Variants in STPG2 observed in about 807,000 individuals in gnomAD.
The protein encoded by STPG2 is sperm-tail PG-rich repeat-containing protein 2.
Under a neutral mutation model 54.2 loss-of-function variants are expected in STPG2, and 56 were observed. The ratio of observed to expected loss-of-function variants is 1.03; its 90% confidence interval spans 0.83 to 1.29. The LOEUF is 1.29. Among genes scored for constraint, STPG2 ranks in the 50% most tolerant of loss-of-function variants. The pLI is 0.00. For missense variants in STPG2, 596 were observed against 544.9 expected (o/e 1.09, Z -0.93); for synonymous variants, 200 against 181.8 (o/e 1.10, Z -0.81).
At chr4:97,705,749 T>G (rs1194783429) in intron 10 of STPG2, among the ~76,000 whole-genome samples, 1 of 151,886 alleles carries the variant, frequency 6.6e-6, no homozygotes, top group Non-Finnish European at 1.5e-5. Flanking sequence ...ATTAAAATGT[T>G]TATATATAGT....
chr4:97,738,311 C>G (rs1347290508), intron 9 of STPG2, among the ~76,000 whole-genome samples: 2 of 152,110 alleles, frequency 1.3e-5, no homozygotes, highest in African/African-American at 4.8e-5. Flanking sequence ...AACTAACGAG[C>G]AAAATAACCA....
At chr4:97,593,019 G>A (rs1390500180) in intron 10 of STPG2, among the ~76,000 whole-genome samples, 2 of 152,138 alleles carry the variant, frequency 1.3e-5, no homozygotes, top group Non-Finnish European at 2.9e-5. Flanking sequence ...GGACAGAACA[G>A]AACAGTCTTG....
chr4:97,457,896 G>A (rs762667257), intron 4 of STPG2, among the ~76,000 whole-genome samples: 3 of 152,166 alleles, frequency 2.0e-5, no homozygotes, highest in Non-Finnish European at 4.4e-5. Context: ...TGATGAAGAG[G>A]TGGCAGTGAT....
intron 8 of STPG2, among the ~76,000 whole-genome samples, chr4:97,855,744 C>A (rs542248236): frequency 6.6e-6 from 1 of 152,204 alleles, no homozygotes; most frequent in East Asian, 1.9e-4. Context: ...TTTGTCCATG[C>A]CTGTGTCCTA....
At chr4:97,753,517 A>G (rs1725640492) in intron 9 of STPG2, among the ~76,000 whole-genome samples, 1 of 151,986 alleles carries the variant, frequency 6.6e-6, no homozygotes, top group Admixed American at 6.6e-5. Context: ...TCTTTTGGCT[A>G]TGAACATTGG....
chr4:97,838,972 C>T (rs1728714264), intron 9 of STPG2, among the ~76,000 whole-genome samples: 1 of 151,422 alleles, frequency 6.6e-6, no homozygotes, highest in Admixed American at 6.6e-5. Context: ...TGGTATTAAC[C>T]AACATGATAA....
chr4:97,810,391 G>C (rs1245423165), intron 9 of STPG2, among the ~76,000 whole-genome samples: 1 of 151,810 alleles, frequency 6.6e-6, no homozygotes, highest in Admixed American at 6.6e-5. Context: ...TTGAACCCGG[G>C]GGGCAGAGGT....
intron 5 of STPG2, among the ~76,000 whole-genome samples, chr4:98,065,628 T>C (rs1737810308): frequency 6.6e-6 from 1 of 152,194 alleles, no homozygotes; most frequent in Non-Finnish European, 1.5e-5. Flanking sequence ...ACTCACTCTT[T>C]TCAACTATAC....
At chr4:97,457,678 T>C (rs934264296) in intron 4 of STPG2, among the ~76,000 whole-genome samples, 2 of 152,230 alleles carry the variant, frequency 1.3e-5, no homozygotes, top group African/African-American at 4.8e-5. Context: ...GTTTGTCTTT[T>C]AACAGTTTGC....
chr4:97,883,772 T>C (rs1317041445), intron 8 of STPG2, among the ~76,000 whole-genome samples: 2 of 152,208 alleles, frequency 1.3e-5, no homozygotes, highest in African/African-American at 4.8e-5. Flanking sequence ...AATGTTCTAA[T>C]ACTCATGTAA....
chr4:98,136,622 T>C (rs934703058), intron 1 of STPG2, among the ~76,000 whole-genome samples: 1 of 151,736 alleles, frequency 6.6e-6, no homozygotes, highest in African/African-American at 2.4e-5. Context: ...TAAAGGACTG[T>C]CTGCAATTGC....
chr4:97,860,684 C>A (rs997433698), intron 8 of STPG2, among the ~76,000 whole-genome samples: 1 of 151,886 alleles, frequency 6.6e-6, no homozygotes, highest in African/African-American at 2.4e-5. Flanking sequence ...TTGGATGAGT[C>A]GTTGGGGTTT....
chr4:97,703,430 A>G (rs1175370433), intron 10 of STPG2, among the ~76,000 whole-genome samples: 1 of 143,712 alleles, frequency 7.0e-6, no homozygotes, highest in East Asian at 2.0e-4. Context: ...TACTATATAT[A>G]ATATGATATA....
At chr4:97,904,630 A>G (rs974537477) in intron 8 of STPG2, among the ~76,000 whole-genome samples, 3 of 151,102 alleles carry the variant, frequency 2.0e-5, no homozygotes, top group Non-Finnish European at 4.4e-5. Flanking sequence ...GAGCTGATAG[A>G]AGAAGGATTC....
chr4:97,922,643 T>G (rs186376912), intron 8 of STPG2, among the ~76,000 whole-genome samples: 122 of 152,336 alleles, frequency 8.0e-4, no homozygotes, highest in African/African-American at 2.8e-3. Context: ...GCTCCAAACC[T>G]AGGAATCTGC....
intron 9 of STPG2, among the ~76,000 whole-genome samples, chr4:97,754,371 T>C (rs1725668220): frequency 6.6e-6 from 1 of 152,150 alleles, no homozygotes; most frequent in South Asian, 2.1e-4. Flanking sequence ...CTTTTGTTTT[T>C]TGTTGCTGCT....
At chr4:97,701,300 C>T (rs1436541605) in intron 10 of STPG2, among the ~76,000 whole-genome samples, 1 of 152,146 alleles carries the variant, frequency 6.6e-6, no homozygotes, top group Non-Finnish European at 1.5e-5. Context: ...ACTGGACCCA[C>T]TGTAAGTCAG....
intron 8 of STPG2, among the ~76,000 whole-genome samples, chr4:97,925,735 A>T (rs1391025936): frequency 2.0e-5 from 3 of 152,256 alleles, no homozygotes; most frequent in African/African-American, 7.2e-5. Flanking sequence ...ATTCATTTCT[A>T]ATGTGTTTTT....
intron 3 of STPG2, among the ~76,000 whole-genome samples, chr4:98,125,227 T>C (rs1560690580): frequency 6.6e-6 from 1 of 152,234 alleles, no homozygotes; most frequent in East Asian, 1.9e-4. Flanking sequence ...TGAAGAGGTA[T>C]TGCAATCATT....
Sources: gnomAD v4.1 joint callset for allele counts (sites outside exome capture counted in the v4.1 genomes callset) on GRCh38, gnomAD v4.1.1 for gene constraint, MANE v1.5 for transcripts, NCBI Gene and HGNC (gene_info 2026-07-23, HGNC 2026-07-21) for gene names.